The following SLC39A11 variants were observed in gnomAD, a reference collection of about 807,000 sequenced individuals.
SLC39A11 encodes the protein zinc transporter ZIP11.
SLC39A11 carries 33 observed loss-of-function variants against 36.1 expected under a neutral mutation model. That is an observed-to-expected ratio of 0.91 (90% confidence interval 0.69 to 1.22). The LOEUF (loss-of-function observed/expected upper bound fraction) is 1.22. Ranked by LOEUF, SLC39A11 falls within the 50% of genes most tolerant of loss-of-function variation. SLC39A11 has a pLI of 0.00. For synonymous variants in SLC39A11, 166 were observed against 170.3 expected (o/e 0.97, Z 0.20); for missense variants, 432 against 430.3 (o/e 1.00, Z -0.03).
intron 7 of SLC39A11, among the ~76,000 whole-genome samples, chr17:72,677,968 G>C (rs1363976532): frequency 6.6e-6 from 1 of 152,174 alleles, no homozygotes; most frequent in African/African-American, 2.4e-5. Flanking sequence ...CTCTTAGTTT[G>C]AATACCAAGC....
chr17:72,838,749 A>G (rs2078680527), intron 6 of SLC39A11, among the ~76,000 whole-genome samples: 1 of 152,180 alleles, frequency 6.6e-6, no homozygotes. Context: ...TAGGGTCAGT[A>G]ACCATTTAAA....
At chr17:72,885,661 T>C (rs1395254985) in intron 5 of SLC39A11, among the ~76,000 whole-genome samples, 3 of 108,922 alleles carry the variant, frequency 2.8e-5, no homozygotes, top group East Asian at 3.8e-4. Flanking sequence ...TTGTGAACGC[T>C]GGATCCAGTT....
At chr17:72,962,207 C>A (rs1045975473) in intron 4 of SLC39A11, among the ~76,000 whole-genome samples, 2 of 152,320 alleles carry the variant, frequency 1.3e-5, no homozygotes, top group African/African-American at 4.8e-5. Context: ...ATACACCATG[C>A]CTGGATAAGA....
chr17:72,713,784 T>A (rs1472989416), intron 7 of SLC39A11, among the ~76,000 whole-genome samples: 1 of 152,202 alleles, frequency 6.6e-6, no homozygotes, highest in Non-Finnish European at 1.5e-5. Flanking sequence ...CTGAGGGTGA[T>A]AATAACAGCT....
chr17:73,068,142 C>T (rs2060051699), intron 3 of SLC39A11: 5 of 1,321,662 alleles, frequency 3.8e-6, no homozygotes, highest in Non-Finnish European at 5.4e-6. Flanking sequence ...TTCTTGGTGT[C>T]GCCAGCAGGT....
intron 7 of SLC39A11, among the ~76,000 whole-genome samples, chr17:72,702,430 G>T (rs1352693625): frequency 6.6e-6 from 1 of 152,142 alleles, no homozygotes; most frequent in Non-Finnish European, 1.5e-5. Context: ...CATCTAGTGG[G>T]AAGAGGCTAA....
At chr17:72,679,796 C>G (rs2071430649) in intron 7 of SLC39A11, among the ~76,000 whole-genome samples, 1 of 152,184 alleles carries the variant, frequency 6.6e-6, no homozygotes, top group South Asian at 2.1e-4. Context: ...GTAATCCCAG[C>G]ACTTTGGGAG....
chr17:72,663,441 G>T (rs1004610758), intron 7 of SLC39A11, among the ~76,000 whole-genome samples: 3 of 152,164 alleles, frequency 2.0e-5, no homozygotes, highest in Non-Finnish European at 4.4e-5. Context: ...CCCACATCCC[G>T]ATCAAGAAAC....
At chr17:72,726,083 G>A (rs115362203) in intron 7 of SLC39A11, among the ~76,000 whole-genome samples, 2,212 of 152,302 alleles carry the variant, frequency 0.015, 48 homozygotes, top group African/African-American at 0.05. Flanking sequence ...CAAGTTGCTA[G>A]GCAGGGAGGA....
chr17:72,944,856 C>T (rs2085332439), intron 5 of SLC39A11, among the ~76,000 whole-genome samples: 1 of 152,116 alleles, frequency 6.6e-6, no homozygotes, highest in Non-Finnish European at 1.5e-5. Flanking sequence ...AGTGCAAAAA[C>T]ATATGATACA....
chr17:73,067,799 C>G, intron 3 of SLC39A11: 14 of 1,362,300 alleles, frequency 1.0e-5, no homozygotes, highest in Non-Finnish European at 1.5e-5. Context: ...CCACAAGCAT[C>G]ACAACTTTTC....
At chr17:73,001,272 T>C (rs2089805300) in intron 4 of SLC39A11, among the ~76,000 whole-genome samples, 1 of 145,348 alleles carries the variant, frequency 6.9e-6, no homozygotes, top group Non-Finnish European at 1.5e-5. Flanking sequence ...GTTAGCCATT[T>C]GTTGTGTTAA....
At chr17:72,671,214 G>C (rs2071009238) in intron 7 of SLC39A11, among the ~76,000 whole-genome samples, 1 of 152,182 alleles carries the variant, frequency 6.6e-6, no homozygotes, top group South Asian at 2.1e-4. Flanking sequence ...CACAAACTCT[G>C]GCTTTGAGCT....
chr17:72,849,761 T>G lies in SLC39A11; in HGVS notation c.474A>C (p.Ala158=). The G allele has an allele frequency of 3.1e-6, 5 of 1,601,058 alleles. No homozygotes were observed. Among genetic ancestry groups the G allele is most frequent in the Non-Finnish European group, 4.3e-6 (5 of 1,175,922 alleles). Residue 158 remains alanine (A), a synonymous_variant, in exon 6 of 10, where the codon GCA becomes GCC. Coordinates refer to ENST00000255559, the MANE Select transcript of SLC39A11 (RefSeq NM_139177.4). ...CAGGACCCTCTGGAAGGCCAGTGGC[T>G]GCCGCCTTCTTTCTCTGATATGCCT... is the stretch of plus-strand genomic sequence containing the variant. ...NGEAYQRKKA[A]ATGLPEGPAV... is the part of the protein sequence containing the mutation.
At chr17:72,658,821 G>A (rs2070271870) in intron 7 of SLC39A11, among the ~76,000 whole-genome samples, 1 of 151,986 alleles carries the variant, frequency 6.6e-6, no homozygotes, top group South Asian at 2.1e-4. Flanking sequence ...CTCTTGTGTG[G>A]ATGGCAAATG....
intron 5 of SLC39A11, among the ~76,000 whole-genome samples, chr17:72,898,332 C>T (rs116413760): frequency 2.0e-5 from 3 of 152,154 alleles, no homozygotes; most frequent in Admixed American, 6.5e-5. Flanking sequence ...TTGATCAGGA[C>T]GCTTCAGGCC....
intron 7 of SLC39A11, among the ~76,000 whole-genome samples, chr17:72,719,402 G>T (rs188886647): frequency 1.3e-5 from 2 of 152,290 alleles, no homozygotes. Context: ...CCACGAGTGC[G>T]ACACAAGCAC....
At position 72,947,753 on chromosome 17, in the gene SLC39A11, T is replaced by C; in HGVS notation, c.429A>G (p.Ile143Met). 1.9e-6 allele frequency: 3 copies of C among 1,614,008 alleles called. No individual in the cohort carries two copies. Among genetic ancestry groups the C allele is most frequent in the South Asian group, 2.2e-5 (2 of 91,076 alleles). ...LFPESELSIR[I>M]DKSENGEAYQ... Reference sequence around the variant, plus strand: ...TGCCTGAAAGAAGCCCAGCTCTACCTATCCGGATGGAAAGTTCACTCTCAG... The same window carrying C: ...TGCCTGAAAGAAGCCCAGCTCTACCCATCCGGATGGAAAGTTCACTCTCAG... The change falls in exon 5 of 10, where the codon ATA becomes ATG. Residue 143 changes from isoleucine to methionine, a missense_variant and splice_region_variant. Ile to Met is a conservative substitution (Grantham distance 10). Transcript: ENST00000255559.
chr17:72,665,427 G>A (rs1483009973), intron 7 of SLC39A11, among the ~76,000 whole-genome samples: 1 of 95,274 alleles, frequency 1.0e-5, no homozygotes, highest in Non-Finnish European at 2.1e-5. Flanking sequence ...GGGTCTTGCT[G>A]TTGCCCAGGC....
Sources: gnomAD v4.1 joint callset for allele counts (sites outside exome capture counted in the v4.1 genomes callset) on GRCh38, gnomAD v4.1.1 for gene constraint, MANE v1.5 for transcripts, NCBI Gene and HGNC (gene_info 2026-07-23, HGNC 2026-07-21) for gene names.